The following CCDC197 variants were observed in gnomAD, a reference collection of about 807,000 sequenced individuals.
CCDC197 encodes the protein coiled-coil domain containing 197, also known as uncharacterized protein CCDC197.
Under a neutral mutation model 13.4 loss-of-function variants are expected in CCDC197, and 24 were observed. The observed-to-expected ratio is 1.80, with a 90% CI of 1.30 to 2.53. The LOEUF (loss-of-function observed/expected upper bound fraction) is 2.53. CCDC197 is among the 30% of genes most tolerant of loss of function. CCDC197 has a pLI of 0.00. For synonymous variants in CCDC197, 99 were observed against 55.5 expected (o/e 1.78, Z -3.48); for missense variants, 255 against 148.8 (o/e 1.71, Z -3.71).
At chr14:94,001,040 T>C (rs1421482157) in intron 3 of CCDC197, 105 bp from the exon 4 acceptor site, 1 of 638,902 alleles carries the variant, frequency 1.6e-6, no homozygotes, top group African/African-American at 1.8e-5. Flanking sequence ...ATGGACTGTC[T>C]GGCACCTCTC....
rs375562344 is a variant in CCDC197, at chr14:93,999,641, A to C, written c.163A>C (p.Lys55Gln). The C allele has an allele frequency of 1.5e-5, 12 of 780,934 alleles. No individual in the cohort carries two copies. The highest frequency in any genetic ancestry group is 2.4e-5 in the Non-Finnish European group (10 of 418,134). 48.4% of individuals were successfully genotyped at this position (780,934 alleles called of 1,614,324 possible). Residue 55 changes from lysine (K) to glutamine (Q), a missense_variant, in exon 3 of 7, where the codon AAG becomes CAG. Physicochemically the swap from Lys to Gln is moderately conservative, Grantham distance 53. Transcript: ENST00000636493. ...KHKLFEDYLI[K>Q]VLEKIPEGCT... ...CAAGCTTTTTGAAGACTATCTGATT[A>C]AGGTCCTTGAGAAAATCCCCGAGGG...
upstream of CCDC197, chr14:93,997,116 GC>G (rs1231275470): frequency 6.6e-6 from 1 of 152,306 alleles, no homozygotes. Context: ...GGTTGCCAGT[GC>G]CCTTTCTCCC....
In CCDC197 at chr14:93,991,574, C is replaced by T. The variant is rs141469466; in HGVS notation, c.-107+4178C>T. Among the ~76,000 whole-genome samples, 43 of 152,316 alleles carry T rather than the reference C, an allele frequency of 2.8e-4. 1 individual carries two copies. The East Asian group carries it at 6.4e-3, about 23-fold the overall frequency. ...GGGTCCAGTACTATTCTTCTAGACA[C>T]GGAGACTCCAGCAGGGACAATTCGG... On this transcript the variant is annotated intron_variant, in intron 1 of 7. Transcript: ENST00000640978.
At chr14:93,991,057 C>T (rs747167229) in intron 1 of CCDC197, among the ~76,000 whole-genome samples, 3 of 152,296 alleles carry the variant, frequency 2.0e-5, no homozygotes, top group Non-Finnish European at 4.4e-5. Context: ...CATGCTGAAG[C>T]ACGACTCTAT....
Position 94,008,856 on chromosome 14 carries a change from T to C in CCDC197, c.*44T>C. 1.5e-6 allele frequency: 1 copy of C among 670,758 alleles called. No homozygotes were observed. Among genetic ancestry groups the C allele is most frequent in the Non-Finnish European group, 2.7e-6 (1 of 364,638 alleles). 41.6% of individuals were successfully genotyped at this position (670,758 alleles called of 1,614,324 possible). ...GCCCCATGGCATCACGACCTCTCCTTACCTGCCTGCCTCCTTTTCTCACCA... is the reference window on the plus strand; with the variant it reads ...GCCCCATGGCATCACGACCTCTCCTCACCTGCCTGCCTCCTTTTCTCACCA... On this transcript the variant is annotated 3_prime_UTR_variant, in exon 7 of 7. Coordinates refer to ENST00000636493, the MANE Select transcript of CCDC197 (RefSeq NM_001351596.2).
chr14:94,011,385 G>A (rs1437538958), downstream of CCDC197, among the ~76,000 whole-genome samples: 7 of 152,222 alleles, frequency 4.6e-5, 1 homozygote, highest in South Asian at 8.3e-4. Flanking sequence ...GTTGCTTGGC[G>A]TGGCAATGGC....
intron 1 of CCDC197, 57 bp from the exon 2 acceptor site, chr14:93,997,942 A>G (rs1890368124): frequency 1.7e-6 from 1 of 594,594 alleles, no homozygotes; most frequent in East Asian, 2.8e-5. Flanking sequence ...CAGTCCTGCC[A>G]GATGACCTTA....
At position 94,004,972 on chromosome 14, in the gene CCDC197, G is replaced by A; in HGVS notation, c.615+1G>A. ...CTTCTCCAAGCTCGATCTGATTAAG[G>A]TAAGGATAGACAGATGGCTGCGGGG... is the stretch of plus-strand genomic sequence containing the variant. On this transcript the variant is annotated splice_donor_variant, in intron 6 of 6. Coordinates refer to ENST00000636493, the MANE Select transcript of CCDC197 (RefSeq NM_001351596.2). LOFTEE classifies it high-confidence loss of function. The A allele has an allele frequency of 1.4e-6, 1 of 702,658 alleles. No homozygotes were observed. 43.5% of individuals were successfully genotyped at this position (702,658 alleles called of 1,614,324 possible). A position where few individuals can be genotyped will look rare whatever the true frequency, so the allele number is the denominator to read the frequency against.
chr14:93,987,388 T>A (rs1890115935), exon 1 of CCDC197: 1 of 152,348 alleles, frequency 6.6e-6, no homozygotes, highest in African/African-American at 2.4e-5. Context: ...CTGGAGAGAA[T>A]CAAAGCAGGT....
At chr14:93,998,838 A>T (rs1890401528) in intron 2 of CCDC197, among the ~76,000 whole-genome samples, 2 of 152,234 alleles carry the variant, frequency 1.3e-5, no homozygotes, top group Admixed American at 6.5e-5. Flanking sequence ...CGGATGAGAG[A>T]GGGAGGGCCC....
At position 94,003,167 on chromosome 14, in the gene CCDC197, G is replaced by C; in HGVS notation, c.367-56G>C. The C allele has an allele frequency of 1.3e-6, 1 of 755,862 alleles. No individual in the cohort carries two copies. The highest frequency in any genetic ancestry group is 1.4e-5 in the South Asian group (1 of 70,612). 46.8% of individuals were successfully genotyped at this position (755,862 alleles called of 1,614,324 possible). A position where few individuals can be genotyped will look rare whatever the true frequency, so the allele number is the denominator to read the frequency against. On this transcript the variant is annotated intron_variant, in intron 4 of 6. Coordinates refer to ENST00000636493, the MANE Select transcript of CCDC197 (RefSeq NM_001351596.2). This position sits in a 1 kb window ranked among gnomAD's most constrained non-coding sequence, Gnocchi z 5.0. ...CAGACCACCCTGGGGACTCAGACCA[G>C]GGCATATGCCCTGGAGGGTTTGTTG...
At chr14:93,990,528 A>G (rs550028625) in intron 1 of CCDC197, among the ~76,000 whole-genome samples, 1 of 152,350 alleles carries the variant, frequency 6.6e-6, no homozygotes, top group East Asian at 1.9e-4. Context: ...GCTCCAGGCC[A>G]GCCTATTTTC....
Position 94,003,396 on chromosome 14 carries a change from G to A in CCDC197, c.498+42G>A, listed in dbSNP as rs1357246042. The A allele has an allele frequency of 2.9e-6, 2 of 685,724 alleles. No homozygotes were observed. Among genetic ancestry groups the A allele is most frequent in the African/African-American group, 1.8e-5 (1 of 56,420 alleles). 42.5% of individuals were successfully genotyped at this position (685,724 alleles called of 1,614,324 possible). A position where few individuals can be genotyped will look rare whatever the true frequency, so the allele number is the denominator to read the frequency against. ...AGCCTGGGGGTGGGGTTAGGGGTGG[G>A]GAAGGGGAAGCTGATGTCTCCATCA... On this transcript the variant is annotated intron_variant, in intron 5 of 6. Coordinates refer to ENST00000636493, the MANE Select transcript of CCDC197 (RefSeq NM_001351596.2). This position sits in a 1 kb window ranked among gnomAD's most constrained non-coding sequence, Gnocchi z 5.0.
chr14:94,007,806 C>T (rs1016580062), intron 6 of CCDC197, among the ~76,000 whole-genome samples: 1 of 152,200 alleles, frequency 6.6e-6, no homozygotes, highest in African/African-American at 2.4e-5. Flanking sequence ...ACACGGGATA[C>T]TTAGCTCCCC....
chr14:94,011,335 C>T (rs8010454), downstream of CCDC197, among the ~76,000 whole-genome samples: 17,320 of 152,230 alleles, frequency 0.11, 1,092 homozygotes, highest in Middle Eastern at 0.2. Flanking sequence ...CTAGCTCAGA[C>T]ATTTTGTCAC....
intron 3 of CCDC197, 57 bp downstream of exon 3, chr14:93,999,722 A>C (rs922561159): frequency 3.9e-6 from 3 of 776,668 alleles, no homozygotes; most frequent in Non-Finnish European, 7.2e-6. Context: ...TACTGGCTGC[A>C]GGACTGCGAC....
At chr14:93,990,163 G>A (rs1890183504) in intron 1 of CCDC197, among the ~76,000 whole-genome samples, 1 of 152,196 alleles carries the variant, frequency 6.6e-6, no homozygotes, top group South Asian at 2.1e-4. Flanking sequence ...CAATTGATTG[G>A]TAAACAACAT....
chr14:94,005,270 C>T (rs886721549), intron 6 of CCDC197, among the ~76,000 whole-genome samples: 1 of 152,246 alleles, frequency 6.6e-6, no homozygotes, highest in East Asian at 1.9e-4. Context: ...ACACAGTACA[C>T]ACCCATCAAC....
In CCDC197 at chr14:93,998,219, T is replaced by C; in HGVS notation, c.88T>C (p.Tyr30His). The change falls in exon 2 of 7, where the codon TAC (tyrosine) becomes CAC (histidine). Residue 30 changes from tyrosine (Y) to histidine (H), a missense_variant. Transcript: ENST00000636493. Reference protein sequence around the residue: ...GDLQGLWQELYQLQAKQKKLK... With the variant: ...GDLQGLWQELHQLQAKQKKLK... ...CCTTCAAGGGCTGTGGCAGGAACTC[T>C]ACCAGCTCCAGGCTAAGTATGTGTT... 1.3e-6 allele frequency: 1 copy of C among 780,344 alleles called. No homozygotes were observed. The highest frequency in any genetic ancestry group is 1.3e-5 in the South Asian group (1 of 74,612). The allele number at this position is 780,344 out of a possible 1,614,324, so 48.3% of individuals were successfully genotyped here.
Sources: gnomAD v4.1 joint callset for allele counts (sites outside exome capture counted in the v4.1 genomes callset) on GRCh38, gnomAD v4.1.1 for gene constraint, Gnocchi (gnomAD v3.1) non-coding constraint, MANE v1.5 for transcripts, NCBI Gene and HGNC (gene_info 2026-07-23, HGNC 2026-07-21) for gene names.